SAMD5: variants seen among roughly 807,000 people sequenced by gnomAD.
The protein encoded by SAMD5 is sterile alpha motif domain containing 5.
In SAMD5, 13 loss-of-function variants were observed where a neutral mutation model predicts 11.3. The ratio of observed to expected loss-of-function variants is 1.15; its 90% CI spans 0.75 to 1.83. The LOEUF (loss-of-function observed/expected upper bound fraction) is 1.83, where lower values mean the gene tolerates loss of function less well. Ranked by LOEUF, SAMD5 falls within the 40% of genes most tolerant of loss-of-function variation. The probability of loss-of-function intolerance (pLI) is 0.00; values close to 1 mark genes in which losing one functional copy is unlikely to be tolerated. For synonymous variants in SAMD5, 129 were observed against 111.3 expected (o/e 1.16, Z -1.00); for missense variants, 255 against 239.1 (o/e 1.07, Z -0.44).
At chr6:147,694,252 C>A (rs1281625569) in intron 1 of SAMD5, among the ~76,000 whole-genome samples, 1 of 152,116 alleles carries the variant, frequency 6.6e-6, no homozygotes, top group African/African-American at 2.4e-5. Context: ...CCTATCACTC[C>A]TTTTTCTCAT....
the SAMD5 span, among the ~76,000 whole-genome samples, chr6:147,897,457 A>C: frequency 2.0e-5 from 3 of 152,292 alleles, no homozygotes; most frequent in East Asian, 5.8e-4. Flanking sequence ...TGACTGGAGC[A>C]TGAAGGTCAT....
intron 1 of SAMD5, among the ~76,000 whole-genome samples, chr6:147,552,703 G>A (rs917568741): frequency 6.6e-6 from 1 of 152,202 alleles, no homozygotes; most frequent in African/African-American, 2.4e-5. Flanking sequence ...TTGTGCACAT[G>A]CATACATATG....
Position 147,593,954 on chromosome 6 carries a change from C to A in SAMD5, c.162+84567C>A, listed in dbSNP as rs572043740. ...ACCAGCCTGGCCAACATGGTGAAACCCCGTCTGTACTAAAAATACAAAAAT... is the reference window on the plus strand; with the variant it reads ...ACCAGCCTGGCCAACATGGTGAAACACCGTCTGTACTAAAAATACAAAAAT... On this transcript the variant is annotated intron_variant, in intron 1 of 1. Coordinates refer to the SAMD5 transcript ENST00000566741. Among the ~76,000 whole-genome samples, 52 of 152,196 alleles carry A rather than the reference C, an allele frequency of 3.4e-4. 1 individual carries two copies. Among genetic ancestry groups the A allele is most frequent in the African/African-American group, 1.1e-3 (47 of 41,552 alleles).
At chr6:147,618,671 A>G (rs1040880074) in intron 1 of SAMD5, among the ~76,000 whole-genome samples, 4 of 152,200 alleles carry the variant, frequency 2.6e-5, no homozygotes, top group Non-Finnish European at 5.9e-5. Context: ...TTATCTAGTC[A>G]GTCTGGAGAG....
intron 1 of SAMD5, among the ~76,000 whole-genome samples, chr6:147,676,665 G>A (rs1445416012): frequency 1.3e-5 from 2 of 152,276 alleles, no homozygotes; most frequent in Admixed American, 1.3e-4. Flanking sequence ...ATATACATGA[G>A]TAGGGATGAA....
chr6:147,565,810 G>A lies in SAMD5; in HGVS notation c.*1354G>A. Reference sequence around the variant, plus strand: ...CTTAGAAAACGCAACCATGTTGATGGGACCAAAAACTTAGTTGAAAGAAGC... The same window carrying A: ...CTTAGAAAACGCAACCATGTTGATGAGACCAAAAACTTAGTTGAAAGAAGC... On this transcript the variant is annotated 3_prime_UTR_variant, in exon 2 of 2. Coordinates refer to ENST00000367474, the MANE Select transcript of SAMD5 (RefSeq NM_001030060.3). 1 of 985,328 alleles carries A rather than the reference G, an allele frequency of 1.0e-6. No homozygotes were observed. Among genetic ancestry groups the A allele is most frequent in the Non-Finnish European group, 1.2e-6 (1 of 829,924 alleles). The allele number at this position is 985,328 out of a possible 1,614,324, so 61.0% of individuals were successfully genotyped here.
chr6:147,580,828 T>TA (rs397887895), intron 1 of SAMD5, among the ~76,000 whole-genome samples: 47 of 151,598 alleles, frequency 3.1e-4, no homozygotes, highest in Non-Finnish European at 3.4e-4. Flanking sequence ...TTTTTTTTTT[T>TA]AATTCTCACG....
the SAMD5 span, among the ~76,000 whole-genome samples, chr6:147,915,859 G>A: frequency 6.6e-6 from 1 of 151,678 alleles, no homozygotes; most frequent in African/African-American, 2.4e-5. Context: ...CCATTAACTC[G>A]TTATTTACAT....
At chr6:147,900,387 C>G in the SAMD5 span, among the ~76,000 whole-genome samples, 6 of 152,200 alleles carry the variant, frequency 3.9e-5, no homozygotes, top group Admixed American at 6.5e-5. Flanking sequence ...GGGAAACGAG[C>G]CAGTTCTCCT....
chr6:147,914,274 C>A, the SAMD5 span, among the ~76,000 whole-genome samples: 697 of 151,714 alleles, frequency 4.6e-3, 5 homozygotes, highest in African/African-American at 0.016. Flanking sequence ...AGATTGCGCA[C>A]CCCTAGTGCT....
At chr6:147,896,006 A>G in the SAMD5 span, among the ~76,000 whole-genome samples, 47 of 152,188 alleles carry the variant, frequency 3.1e-4, 1 homozygote, top group Admixed American at 3.0e-3. Context: ...AGTGTGTTGC[A>G]CGTGGCATAG....
In SAMD5 at chr6:147,611,570, CAAATAAAT is replaced by C. The variant is rs372827158; in HGVS notation, c.162+102200_162+102207del. ...AGAACAAGACTCCGTCTCTTAAAATCAAATAAATAAATAAATAAATAAATCACCGCAGA... is the reference window on the plus strand; with the variant it reads ...AGAACAAGACTCCGTCTCTTAAAATCAAATAAATAAATAAATCACCGCAGA... On this transcript the variant is annotated intron_variant, in intron 1 of 1. Transcript: ENST00000566741. Among the ~76,000 whole-genome samples the C allele has an allele frequency of 6.5e-4, 99 of 151,938 alleles. 1 individual carries two copies. Among genetic ancestry groups the C allele is most frequent in the African/African-American group, 2.3e-3 (95 of 41,434 alleles).
At chr6:147,629,919 G>A (rs1020934015) in intron 1 of SAMD5, among the ~76,000 whole-genome samples, 19 of 151,104 alleles carry the variant, frequency 1.3e-4, no homozygotes, top group South Asian at 4.2e-4. Context: ...AAGAGTTTTC[G>A]AAGAGTCACG....
chr6:147,859,049 G>GA, the SAMD5 span, among the ~76,000 whole-genome samples: 3 of 152,242 alleles, frequency 2.0e-5, no homozygotes, highest in East Asian at 3.9e-4. Flanking sequence ...TTCACTAGGG[G>GA]CCAGGGAGGA....
At chr6:147,783,648 C>T in the SAMD5 span, among the ~76,000 whole-genome samples, 1 of 152,190 alleles carries the variant, frequency 6.6e-6, no homozygotes, top group Admixed American at 6.5e-5. Flanking sequence ...ATCTGCCTTT[C>T]TGGGCCTCCC....
downstream of SAMD5, chr6:147,570,103 T>A: frequency 1.3e-6 from 1 of 754,464 alleles, no homozygotes; most frequent in Non-Finnish European, 1.6e-6. Flanking sequence ...TGACAATATG[T>A]AAATATTTAT....
At chr6:147,776,531 G>A in the SAMD5 span, among the ~76,000 whole-genome samples, 1 of 152,310 alleles carries the variant, frequency 6.6e-6, no homozygotes, top group East Asian at 1.9e-4. Context: ...ACATGGAAAT[G>A]TGTTTCTCTC....
chr6:147,575,103 A>T (rs1789200177), intron 1 of SAMD5, among the ~76,000 whole-genome samples: 1 of 152,240 alleles, frequency 6.6e-6, no homozygotes, highest in Non-Finnish European at 1.5e-5. Context: ...TCAGTTGAAC[A>T]TACATAACAA....
intron 1 of SAMD5, among the ~76,000 whole-genome samples, chr6:147,713,936 T>G (rs1424844487): frequency 2.0e-5 from 3 of 152,166 alleles, no homozygotes; most frequent in South Asian, 2.1e-4. Flanking sequence ...TGAAGAAATA[T>G]GTATTGAGAT....
Sources: allele counts gnomAD v4.1 joint callset (sites outside exome capture counted in the v4.1 genomes callset), GRCh38; gene constraint gnomAD v4.1.1; transcripts MANE v1.5; gene names NCBI Gene and HGNC (gene_info 2026-07-23, HGNC 2026-07-21).